OTUD7A: variants seen among roughly 807,000 people sequenced by gnomAD.
OTUD7A encodes the protein OTU domain-containing protein 7A.
OTUD7A carries 12 observed loss-of-function variants against 65.7 expected under a neutral mutation model. The ratio of observed to expected loss-of-function variants is 0.18; its 90% confidence interval spans 0.12 to 0.30. The LOEUF (loss-of-function observed/expected upper bound fraction) is 0.30, where lower values mean the gene tolerates loss of function less well. OTUD7A is among the 10% of genes least tolerant of loss of function. The pLI is 1.00. For synonymous variants in OTUD7A, 641 were observed against 586.3 expected (o/e 1.09, Z -1.35); for missense variants, 1,148 against 1,304.8 (o/e 0.88, Z 1.85).
At chr15:31,622,510 CATTT>C (rs1228504973) in intron 3 of OTUD7A, among the ~76,000 whole-genome samples, 1 of 152,108 alleles carries the variant, frequency 6.6e-6, no homozygotes, top group Non-Finnish European at 1.5e-5. Context: ...TCATATCATT[CATTT>C]GATCTTCAAT....
chr15:31,660,043 A>C (rs1295555740), intron 1 of OTUD7A, among the ~76,000 whole-genome samples: 1 of 152,288 alleles, frequency 6.6e-6, no homozygotes, highest in African/African-American at 2.4e-5. Context: ...CTGAAAGAAC[A>C]TGCACTATTA....
At chr15:31,568,185 G>C (rs979024444) in intron 4 of OTUD7A, among the ~76,000 whole-genome samples, 2 of 152,118 alleles carry the variant, frequency 1.3e-5, no homozygotes, top group Non-Finnish European at 2.9e-5. Context: ...TGAAAGCAGA[G>C]AGCAGCCATG....
intron 1 of OTUD7A, among the ~76,000 whole-genome samples, chr15:31,780,208 T>C (rs2140924815): frequency 6.6e-6 from 1 of 152,284 alleles, no homozygotes; most frequent in East Asian, 1.9e-4. Context: ...CATCAAGAGA[T>C]TTCCCACTGT....
intron 1 of OTUD7A, among the ~76,000 whole-genome samples, chr15:31,749,287 A>T (rs1356470776): frequency 6.6e-6 from 1 of 152,202 alleles, no homozygotes; most frequent in Non-Finnish European, 1.5e-5. Flanking sequence ...AAAGTATAAT[A>T]AAAAATAAAA....
chr15:31,824,103 T>C (rs1254633994), intron 1 of OTUD7A, among the ~76,000 whole-genome samples: 1 of 152,184 alleles, frequency 6.6e-6, no homozygotes, highest in Non-Finnish European at 1.5e-5. Context: ...ACTAGGCAGA[T>C]CACCTGTTAG....
chr15:31,749,113 G>A (rs1894557703), intron 1 of OTUD7A, among the ~76,000 whole-genome samples: 1 of 136,576 alleles, frequency 7.3e-6, no homozygotes, highest in Non-Finnish European at 1.5e-5. Flanking sequence ...ACAGGAAGGG[G>A]AACATCACAC....
intron 1 of OTUD7A, among the ~76,000 whole-genome samples, chr15:31,843,172 C>A (rs1039144624): frequency 1.3e-5 from 2 of 151,924 alleles, no homozygotes; most frequent in Non-Finnish European, 2.9e-5. Context: ...GTCCAAGGGG[C>A]AAAATTCCCT....
intron 5 of OTUD7A, among the ~76,000 whole-genome samples, chr15:31,533,351 C>T (rs1034991932): frequency 3.3e-5 from 5 of 151,500 alleles, no homozygotes; most frequent in African/African-American, 7.3e-5. Context: ...ATTTTCCTGC[C>T]TCAACCTCCT....
At chr15:31,838,659 C>T (rs879445768) in intron 1 of OTUD7A, among the ~76,000 whole-genome samples, 48 of 24,376 alleles carry the variant, frequency 2.0e-3, no homozygotes, top group Non-Finnish European at 4.4e-3. Flanking sequence ...TCTCAAAGAC[C>T]CCCCCCCACT....
At chr15:31,870,125 G>C (rs1267200862) in intron 1 of OTUD7A, among the ~76,000 whole-genome samples, 2 of 150,012 alleles carry the variant, frequency 1.3e-5, no homozygotes, top group Non-Finnish European at 1.5e-5. Context: ...CACGGACCGA[G>C]GGGTCGGTCG....
At chr15:31,828,033 A>G (rs1896840389) in intron 1 of OTUD7A, among the ~76,000 whole-genome samples, 1 of 151,640 alleles carries the variant, frequency 6.6e-6, no homozygotes, top group East Asian at 1.9e-4. Context: ...GAGGCTTCCT[A>G]TTTTGTGGCT....
intron 3 of OTUD7A, among the ~76,000 whole-genome samples, chr15:31,577,115 T>C (rs763744002): frequency 3.3e-5 from 5 of 152,196 alleles, no homozygotes; most frequent in Non-Finnish European, 7.3e-5. Context: ...TACTCCAAAA[T>C]ATATTTCTTT....
At chr15:31,514,294 T>G (rs1265456094) in intron 8 of OTUD7A, among the ~76,000 whole-genome samples, 1 of 152,058 alleles carries the variant, frequency 6.6e-6, no homozygotes, top group Non-Finnish European at 1.5e-5. Flanking sequence ...CAAGTCATCC[T>G]TCTGTCTCAG....
At chr15:31,613,155 T>G (rs2141225720) in intron 3 of OTUD7A, among the ~76,000 whole-genome samples, 1 of 152,310 alleles carries the variant, frequency 6.6e-6, no homozygotes, top group African/African-American at 2.4e-5. Flanking sequence ...CAAGAGGGAT[T>G]AATGACTTAT....
chr15:31,618,326 C>T (rs147980716), intron 3 of OTUD7A, among the ~76,000 whole-genome samples: 43,625 of 152,016 alleles, frequency 0.29, 7,395 homozygotes, highest in African/African-American at 0.47. Context: ...ATGGTATTTC[C>T]AGTTCTAAAT....
chr15:31,542,989 T>C (rs1888029717), intron 5 of OTUD7A, among the ~76,000 whole-genome samples: 2 of 151,802 alleles, frequency 1.3e-5, no homozygotes, highest in South Asian at 2.1e-4. Flanking sequence ...CTGTAAAGGA[T>C]GAACTTCAAA....
At chr15:31,532,722 T>C (rs1887669283) in intron 5 of OTUD7A, among the ~76,000 whole-genome samples, 2 of 151,694 alleles carry the variant, frequency 1.3e-5, no homozygotes, top group South Asian at 4.2e-4. Context: ...GGTCAGGAGA[T>C]TGAGACCATT....
intron 1 of OTUD7A, among the ~76,000 whole-genome samples, chr15:31,738,508 G>A (rs1010930618): frequency 7.2e-5 from 11 of 152,142 alleles, no homozygotes; most frequent in Admixed American, 4.6e-4. Context: ...AGTTTCCAAG[G>A]GTCCCAGAGG....
chr15:31,544,121 C>G (rs1248084733), intron 5 of OTUD7A, among the ~76,000 whole-genome samples: 1 of 151,722 alleles, frequency 6.6e-6, no homozygotes, highest in Non-Finnish European at 1.5e-5. Flanking sequence ...AACAAAGAAG[C>G]ACTTACAATA....
Sources: allele counts gnomAD v4.1 joint callset (sites outside exome capture counted in the v4.1 genomes callset), GRCh38; gene constraint gnomAD v4.1.1; transcripts MANE v1.5; gene names NCBI Gene and HGNC (gene_info 2026-07-23, HGNC 2026-07-21).